Variants in ISM1 observed in about 807,000 individuals in gnomAD.
ISM1 encodes isthmin-1.
In ISM1, 25 loss-of-function variants were observed where a neutral mutation model predicts 46.3. The ratio of observed to expected loss-of-function variants is 0.54; its 90% confidence interval spans 0.39 to 0.75. ISM1 has a LOEUF of 0.75. Among genes scored for constraint, ISM1 ranks in the 30% least tolerant of loss-of-function variants. The probability of loss-of-function intolerance (pLI) is 0.00; values close to 1 mark genes in which losing one functional copy is unlikely to be tolerated. For missense variants in ISM1, 536 were observed against 625.4 expected, an observed-to-expected ratio of 0.86 and a Z score of 1.52; for synonymous variants, 255 against 256.7, an observed-to-expected ratio of 0.99 and a Z score of 0.06.
At chr20:13,320,499 C>A in the ISM1 span, among the ~76,000 whole-genome samples, 1 of 152,088 alleles carries the variant, frequency 6.6e-6, no homozygotes, top group African/African-American at 2.4e-5. Flanking sequence ...TATTAGGTGG[C>A]TTTAGAAAGA....
the ISM1 span, among the ~76,000 whole-genome samples, chr20:13,312,213 G>A: frequency 2.0e-5 from 3 of 152,166 alleles, no homozygotes; most frequent in Non-Finnish European, 4.4e-5. Flanking sequence ...AACTAAAAGG[G>A]AAAATGCAAT....
At chr20:13,262,516 ATG>A (rs1426073475) in intron 1 of ISM1, among the ~76,000 whole-genome samples, 2 of 94,740 alleles carry the variant, frequency 2.1e-5, no homozygotes, top group African/African-American at 8.9e-5. Context: ...TGCTTCTTAC[ATG>A]TTTTCTTACA....
At chr20:13,246,263 A>C (rs1600501020) in intron 1 of ISM1, among the ~76,000 whole-genome samples, 1 of 134,970 alleles carries the variant, frequency 7.4e-6, no homozygotes. Context: ...ACACAGCGAG[A>C]CTCCATCTCA....
intron 2 of ISM1, among the ~76,000 whole-genome samples, chr20:13,273,387 ACCATGC>A (rs2040138675): frequency 6.6e-6 from 1 of 151,986 alleles, no homozygotes; most frequent in South Asian, 2.1e-4. Context: ...GGTGTGAGCC[ACCATGC>A]CTAGCTAATC....
chr20:13,289,130 ATGAGC>A lies in ISM1; in HGVS notation c.787+451_787+455del, dbSNP rs2040325962. Among the ~76,000 whole-genome samples the A allele has an allele frequency of 3.3e-5, 5 of 152,336 alleles. 1 individual carries two copies. The highest frequency in any genetic ancestry group is 3.3e-4 in the Admixed American group (5 of 15,304). On this transcript the variant is annotated intron_variant, in intron 4 of 5. Transcript: ENST00000262487. ...ACCAGAGTGAGTCAGGAGATAATTGATGAGCTGAATGGATTTTCTGAGTCTTATGC... is the reference window on the plus strand; with the variant it reads ...ACCAGAGTGAGTCAGGAGATAATTGATGAATGGATTTTCTGAGTCTTATGC...
intron 1 of ISM1, among the ~76,000 whole-genome samples, chr20:13,241,355 A>G (rs1173695913): frequency 1.3e-5 from 2 of 152,238 alleles, no homozygotes; most frequent in African/African-American, 2.4e-5. Context: ...TGGTTCATGT[A>G]AGATCAGAGA....
the ISM1 span, among the ~76,000 whole-genome samples, chr20:13,310,416 T>C: frequency 6.6e-6 from 1 of 152,070 alleles, no homozygotes; most frequent in South Asian, 2.1e-4. Flanking sequence ...CCACATATAA[T>C]AGTCAACTCA....
intron 1 of ISM1, among the ~76,000 whole-genome samples, chr20:13,241,653 A>G (rs2039725249): frequency 6.6e-6 from 1 of 152,196 alleles, no homozygotes; most frequent in Non-Finnish European, 1.5e-5. Flanking sequence ...GCAGGAGCAC[A>G]AGTAGGACGT....
the ISM1 span, among the ~76,000 whole-genome samples, chr20:13,322,974 A>G: frequency 1.3e-5 from 2 of 152,196 alleles, no homozygotes; most frequent in African/African-American, 4.8e-5. Flanking sequence ...TTACTGTAGG[A>G]AGAGACAACA....
intron 3 of ISM1, among the ~76,000 whole-genome samples, chr20:13,284,046 T>G (rs944371013): frequency 6.6e-6 from 1 of 152,236 alleles, no homozygotes; most frequent in Non-Finnish European, 1.5e-5. Context: ...CTTAGGCAAG[T>G]ACCTTAACCT....
chr20:13,273,083 A>T (rs1243544660), intron 2 of ISM1, among the ~76,000 whole-genome samples: 1 of 152,164 alleles, frequency 6.6e-6, no homozygotes, highest in Non-Finnish European at 1.5e-5. Flanking sequence ...CTGTTCCTTC[A>T]TTGGAAAGTT....
intron 1 of ISM1, among the ~76,000 whole-genome samples, chr20:13,268,353 T>G (rs1245786014): frequency 2.4e-4 from 1 of 4,170 alleles, no homozygotes; most frequent in Non-Finnish European, 4.3e-4. Flanking sequence ...TCTTCCTCTC[T>G]CTCTCTCTCT....
intron 2 of ISM1, among the ~76,000 whole-genome samples, chr20:13,277,970 A>G (rs2040199172): frequency 6.6e-6 from 1 of 152,206 alleles, no homozygotes; most frequent in South Asian, 2.1e-4. Context: ...TATTTGTCTC[A>G]GGGATGGGCA....
chr20:13,238,358 G>A (rs1473649353), intron 1 of ISM1, among the ~76,000 whole-genome samples: 1 of 152,134 alleles, frequency 6.6e-6, no homozygotes, highest in Non-Finnish European at 1.5e-5. Context: ...AAACCAGAGG[G>A]CCACCTCACT....
At position 13,229,355 on chromosome 20, in the gene ISM1, A is replaced by G. The variant is rs543568069; in HGVS notation, c.138+7441A>G. Among the ~76,000 whole-genome samples, 110 of 152,260 alleles carry G rather than the reference A, an allele frequency of 7.2e-4. No individual in the cohort carries two copies. In the Middle Eastern group the frequency reaches 0.01, roughly 14 times the overall value. ...AATTTGCTCCTTCCAGAGGCAACCA[A>G]TTTCTGGCTTCCATTACCGTAGATT... On this transcript the variant is annotated intron_variant, in intron 1 of 5. Transcript: ENST00000262487.
At chr20:13,259,915 C>T (rs1057030003) in intron 1 of ISM1, among the ~76,000 whole-genome samples, 7 of 152,212 alleles carry the variant, frequency 4.6e-5, no homozygotes, top group Non-Finnish European at 8.8e-5. Context: ...AAGCCATGTG[C>T]TATTGGCACT....
intron 3 of ISM1, among the ~76,000 whole-genome samples, chr20:13,286,164 C>T (rs1201853045): frequency 1.3e-5 from 2 of 152,138 alleles, no homozygotes; most frequent in African/African-American, 2.4e-5. Context: ...AATCTGGCCT[C>T]GGTGGTGTGT....
chr20:13,281,930 G>A (rs1215546131), intron 3 of ISM1, among the ~76,000 whole-genome samples: 1 of 152,134 alleles, frequency 6.6e-6, no homozygotes, highest in Non-Finnish European at 1.5e-5. Context: ...TTATGTACCA[G>A]TAGTCCTCAA....
At position 13,292,602 on chromosome 20, in the gene ISM1, G is replaced by A. The variant is rs1029642781; in HGVS notation, c.877+139G>A. Reference sequence around the variant, plus strand: ...GTCCAGTGCTCCCAGCATGTGTCTTGCTTGCTGAATATACTTCAAGCAAGA... The same window carrying A: ...GTCCAGTGCTCCCAGCATGTGTCTTACTTGCTGAATATACTTCAAGCAAGA... On this transcript the variant is annotated intron_variant, in intron 5 of 5. Transcript: ENST00000262487. The A allele has an allele frequency of 4.7e-6, 3 of 640,440 alleles. No homozygotes were observed. In the African/African-American group the frequency reaches 5.5e-5, roughly 12 times the overall value. 39.7% of individuals were successfully genotyped at this position (640,440 alleles called of 1,614,324 possible).
Sources: allele counts gnomAD v4.1 joint callset (sites outside exome capture counted in the v4.1 genomes callset), GRCh38; gene constraint gnomAD v4.1.1; transcripts MANE v1.5; gene names NCBI Gene and HGNC (gene_info 2026-07-23, HGNC 2026-07-21).